CCSAP: variants seen among roughly 807,000 people sequenced by gnomAD.
CCSAP encodes centriole, cilia and spindle-associated protein.
In CCSAP, 17 loss-of-function variants were observed where a neutral mutation model predicts 25.9. The observed-to-expected ratio is 0.66, with a 90% CI of 0.45 to 0.99. CCSAP has a LOEUF of 0.99. Ranked by LOEUF, CCSAP falls within the 50% of genes least tolerant of loss-of-function variation. The pLI, the probability that CCSAP is intolerant of heterozygous loss-of-function variation, is 0.00. For missense variants in CCSAP, 339 were observed against 367.8 expected (o/e 0.92, Z 0.64); for synonymous variants, 169 against 157.1 (o/e 1.08, Z -0.57).
Position 229,321,912 on chromosome 1 carries a change from A to G in CCSAP, c.*3323T>C, listed in dbSNP as rs1363045958. On this transcript the variant is annotated 3_prime_UTR_variant, in exon 4 of 4. Coordinates refer to ENST00000284617, the MANE Select transcript of CCSAP (RefSeq NM_145257.5). ...TACAGGCTTTTTTTTCCTTGTCATT[A>G]TTCCCTAAACAATATAGTATAACAA... 1 of 152,180 alleles carries G rather than the reference A, an allele frequency of 6.6e-6. No homozygotes were observed. Among genetic ancestry groups the G allele is most frequent in the Admixed American group, 6.5e-5 (1 of 15,284 alleles). 9.4% of individuals were successfully genotyped at this position (152,180 alleles called of 1,614,324 possible).
intron 2 of CCSAP, among the ~76,000 whole-genome samples, chr1:229,328,873 C>T (rs1380477725): frequency 1.3e-5 from 2 of 152,232 alleles, no homozygotes; most frequent in Admixed American, 1.3e-4. Flanking sequence ...AAGGAACAGA[C>T]GCTTCATGTC....
At position 229,333,208 on chromosome 1, in the gene CCSAP, A is replaced by G. The variant is rs199594768; in HGVS notation, c.368-6202T>C. The stretch of plus-strand genomic sequence containing the variant: ...AGCACTTTGGGAGGCCAAGGCGGGC[A>G]GATCACGAGGTCAGGAGATAGAGAC... On this transcript the variant is annotated intron_variant, in intron 2 of 3. Coordinates refer to ENST00000284617, the MANE Select transcript of CCSAP (RefSeq NM_145257.5). Among the ~76,000 whole-genome samples the G allele has an allele frequency of 5.6e-3, 849 of 151,712 alleles. 5 individuals carry two copies. Among genetic ancestry groups the G allele is most frequent in the Non-Finnish European group, 5.2e-3 (355 of 67,842 alleles).
rs1657917637 is a variant in CCSAP at position 229,325,408 on chromosome 1, G to C, written c.640C>G (p.His214Asp). The C allele has an allele frequency of 6.2e-7, 1 of 1,612,004 alleles. No homozygotes were observed. Among genetic ancestry groups the C allele is most frequent in the Non-Finnish European group, 8.5e-7 (1 of 1,179,506 alleles). ...VCASAPVHEI[H>D]ESALRAKNRR... is the part of the protein sequence containing the mutation. ...TTCTTGGCTCGTAATGCTGATTCAT[G>C]AATCTAAAGAGAGTTCAAAATAAAG... The change falls in exon 4 of 4, where the codon CAT (histidine) becomes GAT (aspartate). Residue 214 changes from histidine to aspartate, a missense_variant. His to Asp is a moderately conservative substitution (Grantham distance 81). Coordinates refer to ENST00000284617, the MANE Select transcript of CCSAP (RefSeq NM_145257.5).
intron 2 of CCSAP, among the ~76,000 whole-genome samples, chr1:229,332,912 C>T (rs237781): frequency 0.017 from 2,653 of 152,194 alleles, 79 homozygotes; most frequent in African/African-American, 0.06. Flanking sequence ...AATTAATAAA[C>T]TTGACCTAAT....
rs80042916 is a variant in CCSAP at position 229,325,815 on chromosome 1, C to T, written c.637-404G>A. Among the ~76,000 whole-genome samples the T allele has an allele frequency of 9.0e-3, 1,373 of 152,284 alleles. 19 individuals carry two copies. The highest frequency in any genetic ancestry group is 0.031 in the African/African-American group (1,285 of 41,546). On this transcript the variant is annotated intron_variant, in intron 3 of 3. Coordinates refer to ENST00000284617, the MANE Select transcript of CCSAP (RefSeq NM_145257.5). ...ACTTTAAATGTTTAACATCAGTATA[C>T]CAAAGACATCTCGAGATTTTACCAC...
intron 2 of CCSAP, among the ~76,000 whole-genome samples, chr1:229,338,904 T>TA (rs1245075190): frequency 6.6e-6 from 1 of 151,916 alleles, no homozygotes; most frequent in African/African-American, 2.4e-5. Flanking sequence ...CAAGAGCTCT[T>TA]ACATTTAAAA....
Position 229,341,193 on chromosome 1 carries a change from C to CAAAAAAAAAAAAAA in CCSAP, c.367+892_367+905dup, listed in dbSNP as rs71561730. Reference sequence around the variant, plus strand: ...TGGGCCACAGAGCGAGACTCCGTCTCAAAAAAAAAAAAAAAAAAAGATTAC... The same window carrying CAAAAAAAAAAAAAA: ...TGGGCCACAGAGCGAGACTCCGTCTCAAAAAAAAAAAAAAAAAAAAAAAAAAAAAAAAAGATTAC... On this transcript the variant is annotated intron_variant, in intron 2 of 3. Transcript: ENST00000284617. Among the ~76,000 whole-genome samples, 11 of 91,106 alleles carry CAAAAAAAAAAAAAA rather than the reference C, an allele frequency of 1.2e-4. 1 individual carries two copies. Among genetic ancestry groups the CAAAAAAAAAAAAAA allele is most frequent in the African/African-American group, 4.8e-4 (10 of 20,792 alleles). 59.8% of individuals were successfully genotyped at this position (91,106 alleles called of 152,430 possible).
intron 2 of CCSAP, among the ~76,000 whole-genome samples, chr1:229,331,026 G>C (rs892732991): frequency 1.5e-4 from 23 of 151,932 alleles, no homozygotes; most frequent in African/African-American, 5.1e-4. Context: ...CTGGTTCTTG[G>C]GGGCTACTGG....
rs1039575728 is a variant in CCSAP, at chr1:229,322,138, A to C, written c.*3097T>G. The C allele has an allele frequency of 6.6e-6, 1 of 152,186 alleles. No individual in the cohort carries two copies. Among genetic ancestry groups the C allele is most frequent in the African/African-American group, 2.4e-5 (1 of 41,438 alleles). 9.4% of individuals were successfully genotyped at this position (152,186 alleles called of 1,614,324 possible). A position where few individuals can be genotyped will look rare whatever the true frequency, so the allele number is the denominator to read the frequency against. On this transcript the variant is annotated 3_prime_UTR_variant, in exon 4 of 4. Transcript: ENST00000284617. ...TACTGAGAGGCGACTGTACCATAAC[A>C]TTCCATTTACAAAGTGTGTGCCCAG...
intron 2 of CCSAP, among the ~76,000 whole-genome samples, chr1:229,333,526 C>CTGTA (rs1658131673): frequency 6.6e-6 from 1 of 151,602 alleles, no homozygotes; most frequent in Non-Finnish European, 1.5e-5. Context: ...TGCCACTGAC[C>CTGTA]TGTACACTTC....
rs1164623703 is a variant in CCSAP at position 229,324,912 on chromosome 1, C to G, written c.*323G>C. On this transcript the variant is annotated 3_prime_UTR_variant, in exon 4 of 4. Coordinates refer to ENST00000284617, the MANE Select transcript of CCSAP (RefSeq NM_145257.5). ...GAAAAGAATACTGAACTGTAAGCAT[C>G]TGTTGCCATTTAAAGGCATTTGGTG... 7 of 212,372 alleles carry G rather than the reference C, an allele frequency of 3.3e-5. No individual in the cohort carries two copies. The highest frequency in any genetic ancestry group is 6.7e-5 in the Non-Finnish European group (7 of 104,918). The allele number at this position is 212,372 out of a possible 1,614,324, so 13.2% of individuals were successfully genotyped here.
chr1:229,326,144 CGGGTCTTGACACA>C (rs1335739597), intron 3 of CCSAP, among the ~76,000 whole-genome samples: 1 of 152,146 alleles, frequency 6.6e-6, no homozygotes, highest in East Asian at 1.9e-4. Context: ...GAAATGTTTC[CGGGTCTTGACACA>C]GGAGAGACAA....
At position 229,321,329 on chromosome 1, in the gene CCSAP, T is replaced by G. The variant is rs1463828255; in HGVS notation, c.*3906A>C. On this transcript the variant is annotated 3_prime_UTR_variant, in exon 4 of 4. Coordinates refer to ENST00000284617, the MANE Select transcript of CCSAP (RefSeq NM_145257.5). The stretch of plus-strand genomic sequence containing the variant: ...AAATAATATTAAAAGAGCAATCGAT[T>G]TTTTTCCATCTCACACTAGTAGGCT... 1 of 152,168 alleles carries G rather than the reference T, an allele frequency of 6.6e-6. No individual in the cohort carries two copies. Among genetic ancestry groups the G allele is most frequent in the East Asian group, 1.9e-4 (1 of 5,198 alleles). 9.4% of individuals were successfully genotyped at this position (152,168 alleles called of 1,614,324 possible). A position where few individuals can be genotyped will look rare whatever the true frequency, so the allele number is the denominator to read the frequency against.
chr1:229,329,390 A>G (rs1658017902), intron 2 of CCSAP, among the ~76,000 whole-genome samples: 1 of 152,262 alleles, frequency 6.6e-6, no homozygotes, highest in Non-Finnish European at 1.5e-5. Context: ...AGAGGGAATT[A>G]TAAATAGTTC....
intron 2 of CCSAP, among the ~76,000 whole-genome samples, chr1:229,337,626 A>G (rs1658220086): frequency 6.9e-6 from 1 of 145,934 alleles, no homozygotes; most frequent in Admixed American, 6.9e-5. Context: ...AGCTGTGCCA[A>G]GGCTGGACAG....
In CCSAP at chr1:229,325,073, T is replaced by C. The variant is rs927323560; in HGVS notation, c.*162A>G. 5 of 638,806 alleles carry C rather than the reference T, an allele frequency of 7.8e-6. No homozygotes were observed. Among genetic ancestry groups the C allele is most frequent in the African/African-American group, 7.3e-5 (4 of 54,512 alleles). The allele number at this position is 638,806 out of a possible 1,614,324, so 39.6% of individuals were successfully genotyped here. On this transcript the variant is annotated 3_prime_UTR_variant, in exon 4 of 4. Coordinates refer to ENST00000284617, the MANE Select transcript of CCSAP (RefSeq NM_145257.5). ...CCCTACTGCCGAGGTAGGTGACCAA[T>C]ATTCATCAAAATAAAACAATCTTTT... is the stretch of plus-strand genomic sequence containing the variant.
intron 2 of CCSAP, chr1:229,340,337 G>A: frequency 1.4e-6 from 1 of 703,464 alleles, no homozygotes; most frequent in Non-Finnish European, 2.6e-6. Context: ...CGTTAGCAGG[G>A]AAGAAATAAC....
chr1:229,324,037 C>A lies in CCSAP; in HGVS notation c.*1198G>T, dbSNP rs1485310273. On this transcript the variant is annotated 3_prime_UTR_variant, in exon 4 of 4. Transcript: ENST00000284617. ...ACCATTTTTCTACCCCCAAAGCAAA[C>A]ATACTAAAGAGAAGGAGCACTATTT... The A allele has an allele frequency of 6.6e-6, 1 of 152,614 alleles. No individual in the cohort carries two copies. The highest frequency in any genetic ancestry group is 6.5e-5 in the Admixed American group (1 of 15,280). The allele number at this position is 152,614 out of a possible 1,614,324, so 9.5% of individuals were successfully genotyped here. A position where few individuals can be genotyped will look rare whatever the true frequency, so the allele number is the denominator to read the frequency against.
At chr1:229,325,891 C>T (rs1657928975) in intron 3 of CCSAP, among the ~76,000 whole-genome samples, 1 of 152,208 alleles carries the variant, frequency 6.6e-6, no homozygotes, top group Admixed American at 6.5e-5. Context: ...ATCCCACGGA[C>T]TTCTTAGAGA....
Sources: gnomAD v4.1 joint callset for allele counts (sites outside exome capture counted in the v4.1 genomes callset) on GRCh38, gnomAD v4.1.1 for gene constraint, MANE v1.5 for transcripts, NCBI Gene and HGNC (gene_info 2026-07-23, HGNC 2026-07-21) for gene names.